PKHD1L1: variants seen among roughly 807,000 people sequenced by gnomAD.
The protein encoded by PKHD1L1 is PKHD1 like 1.
A neutral mutation model predicts 462.9 loss-of-function variants in PKHD1L1; 434 were observed. The observed-to-expected ratio is 0.94, with a 90% CI of 0.87 to 1.02. The LOEUF is 1.02. Among genes scored for constraint, PKHD1L1 ranks in the 50% least tolerant of loss-of-function variants. The pLI, the probability that PKHD1L1 is intolerant of heterozygous loss-of-function variation, is 0.00. For synonymous variants in PKHD1L1, 1,781 were observed against 1,750.0 expected (o/e 1.02, Z -0.44); for missense variants, 5,202 against 5,096.1 (o/e 1.02, Z -0.63).
At chr8:109,449,566 T>C in intron 40 of PKHD1L1, 79 bp downstream of exon 40, 2 of 1,291,684 alleles carry the variant, frequency 1.5e-6, no homozygotes, top group Non-Finnish European at 2.1e-6. Context: ...TTTTTTCAAG[T>C]TCTTGGATTC....
rs1349436988 is a variant in PKHD1L1 at position 109,444,982 on chromosome 8, G to A, written c.5113G>A (p.Val1705Met). The change falls in exon 38 of 78, where the codon GTG becomes ATG. Residue 1705 changes from valine to methionine, a missense_variant. Physicochemically the swap from Val to Met is conservative, Grantham distance 21. Around this residue, in one of 3 missense-constraint regions of PKHD1L1, gnomAD observed 4,497 missense variants for 4,336.8 expected, o/e 1.04. Coordinates refer to ENST00000378402, the MANE Select transcript of PKHD1L1 (RefSeq NM_177531.6). ...MGHFPCKVLS[V>M]NYTAIECETS... ...TCATTTCCCATGTAAAGTTCTATCA[G>A]TGAATTATACGGCCATTGAATGTGA... 2 of 1,613,990 alleles carry A rather than the reference G, an allele frequency of 1.2e-6. No individual in the cohort carries two copies. Among genetic ancestry groups the A allele is most frequent in the Non-Finnish European group, 8.5e-7 (1 of 1,179,882 alleles).
intron 5 of PKHD1L1, 55 bp from the exon 6 acceptor site, chr8:109,385,482 T>G: frequency 8.7e-7 from 1 of 1,144,006 alleles, no homozygotes; most frequent in Non-Finnish European, 1.3e-6. Flanking sequence ...TCGTATTAAG[T>G]GTATGGATAG....
At chr8:109,385,421 T>G in intron 5 of PKHD1L1, 116 bp from the exon 6 acceptor site, 10 of 572,522 alleles carry the variant, frequency 1.7e-5, no homozygotes, top group East Asian at 3.0e-5. Flanking sequence ...GTGGCAAACA[T>G]GAGGTATAAG....
Position 109,523,193 on chromosome 8 carries a change from G to A in PKHD1L1, c.12331-40G>A, listed in dbSNP as rs751573102. 4.6e-6 allele frequency: 7 copies of A among 1,515,652 alleles called. No individual in the cohort carries two copies. The Admixed American group carries it at 1.4e-4, about 30-fold the overall frequency. The allele number at this position is 1,515,652 out of a possible 1,614,324, so 93.9% of individuals were successfully genotyped here. Reference sequence around the variant, plus strand: ...ATATATTTTTAAAAGCATGGAAACAGGACAATTGTTATAATTATCTACTTT... The same window carrying A: ...ATATATTTTTAAAAGCATGGAAACAAGACAATTGTTATAATTATCTACTTT... On this transcript the variant is annotated intron_variant, in intron 75 of 77. Coordinates refer to ENST00000378402, the MANE Select transcript of PKHD1L1 (RefSeq NM_177531.6).
At chr8:109,451,853 C>T (rs948775019) in intron 41 of PKHD1L1, among the ~76,000 whole-genome samples, 1 of 152,198 alleles carries the variant, frequency 6.6e-6, no homozygotes, top group Non-Finnish European at 1.5e-5. Context: ...CATAGAATCA[C>T]TGAACAACAA....
At chr8:109,529,228 T>C (rs1820961385) in intron 77 of PKHD1L1, among the ~76,000 whole-genome samples, 1 of 152,148 alleles carries the variant, frequency 6.6e-6, no homozygotes, top group Non-Finnish European at 1.5e-5. Context: ...CTTTCTTCTC[T>C]CCTAATGGAA....
intron 61 of PKHD1L1, 144 bp from the exon 62 acceptor site, chr8:109,491,726 CCTT>C: frequency 8.7e-6 from 6 of 692,072 alleles, no homozygotes; most frequent in Non-Finnish European, 1.1e-5. Context: ...TCAGAAGACT[CCTT>C]CGAAACTCTA....
intron 67 of PKHD1L1, among the ~76,000 whole-genome samples, chr8:109,500,124 T>C (rs781143406): frequency 2.0e-5 from 3 of 152,180 alleles, no homozygotes; most frequent in South Asian, 4.1e-4. Context: ...TTGGGACTAC[T>C]GGGATCTACT....
chr8:109,410,490 T>C (rs1223804670), intron 19 of PKHD1L1, among the ~76,000 whole-genome samples: 1 of 151,782 alleles, frequency 6.6e-6, no homozygotes, highest in East Asian at 1.9e-4. Context: ...AGTGGGGCGG[T>C]GCCACCCACT....
At chr8:109,408,826 A>T (rs1280564514) in intron 18 of PKHD1L1, among the ~76,000 whole-genome samples, 2 of 152,174 alleles carry the variant, frequency 1.3e-5, no homozygotes, top group South Asian at 4.1e-4. Context: ...TTTTATAAAG[A>T]ACACTTTAAG....
intron 2 of PKHD1L1, among the ~76,000 whole-genome samples, chr8:109,379,104 T>C (rs758729562): frequency 6.6e-6 from 1 of 152,152 alleles, no homozygotes; most frequent in Non-Finnish European, 1.5e-5. Flanking sequence ...AACAACCTAC[T>C]GCTATTGCTG....
intron 39 of PKHD1L1, 92 bp from the exon 40 acceptor site, chr8:109,449,245 CT>C: frequency 7.9e-7 from 1 of 1,262,030 alleles, no homozygotes; most frequent in Admixed American, 3.0e-5. Context: ...ATGTAACTTA[CT>C]TTTAACATTT....
intron 27 of PKHD1L1, among the ~76,000 whole-genome samples, chr8:109,432,232 T>C (rs142283576): frequency 3.3e-5 from 5 of 152,316 alleles, no homozygotes; most frequent in Non-Finnish European, 7.4e-5. Context: ...TTAGCTGTGC[T>C]TTGATTTAGT....
At chr8:109,467,686 A>C (rs1219033338) in intron 50 of PKHD1L1, among the ~76,000 whole-genome samples, 1 of 152,216 alleles carries the variant, frequency 6.6e-6, no homozygotes, top group Non-Finnish European at 1.5e-5. Context: ...ATATCTATTT[A>C]TAATGAATCC....
chr8:109,436,240 C>A, intron 29 of PKHD1L1, 98 bp from the exon 30 acceptor site: 1 of 1,257,990 alleles, frequency 7.9e-7, no homozygotes, highest in Non-Finnish European at 1.1e-6. Context: ...GATCATTAGA[C>A]TATTCTCAAA....
At chr8:109,362,993 G>A (rs1811055555) in intron 1 of PKHD1L1, among the ~76,000 whole-genome samples, 1 of 152,136 alleles carries the variant, frequency 6.6e-6, no homozygotes, top group Admixed American at 6.5e-5. Context: ...GGACTGGGAA[G>A]AGGCAACCTG....
intron 50 of PKHD1L1, chr8:109,470,827 A>T: frequency 1.3e-6 from 2 of 1,506,592 alleles, no homozygotes; most frequent in Non-Finnish European, 1.8e-6. Flanking sequence ...AAAGGAAAAC[A>T]CACTAGTTAC....
Position 109,496,915 on chromosome 8 carries a change from C to G in PKHD1L1, c.10328-4C>G, listed in dbSNP as rs1819117536. 1 of 1,608,534 alleles carries G rather than the reference C, an allele frequency of 6.2e-7. No homozygotes were observed. Among genetic ancestry groups the G allele is most frequent in the Non-Finnish European group, 8.5e-7 (1 of 1,177,036 alleles). On this transcript the variant is annotated splice_region_variant and splice_polypyrimidine_tract_variant and intron_variant, in intron 63 of 77. Coordinates refer to ENST00000378402, the MANE Select transcript of PKHD1L1 (RefSeq NM_177531.6). ...CATTCTCTGGTTCTATATTTCCCTCCAAGGCCAGTTTAATCCTGTGGAAAA... is the reference window on the plus strand; with the variant it reads ...CATTCTCTGGTTCTATATTTCCCTCGAAGGCCAGTTTAATCCTGTGGAAAA...
intron 51 of PKHD1L1, 69 bp downstream of exon 51, chr8:109,475,338 A>G: frequency 8.3e-7 from 1 of 1,210,964 alleles, no homozygotes; most frequent in South Asian, 1.8e-5. Flanking sequence ...CCTCATACTT[A>G]CTCACAGACA....
Sources: allele counts gnomAD v4.1 joint callset (sites outside exome capture counted in the v4.1 genomes callset), GRCh38; gene constraint gnomAD v4.1.1; regional missense constraint gnomAD v4.1.1; transcripts MANE v1.5; gene names NCBI Gene and HGNC (gene_info 2026-07-23, HGNC 2026-07-21).